SDE2: variants seen among roughly 807,000 people sequenced by gnomAD.
SDE2 encodes the protein spliceosome associated SDE2, also known as splicing regulator SDE2.
Under a neutral mutation model 46.9 loss-of-function variants are expected in SDE2, and 31 were observed. The observed-to-expected ratio is 0.66, with a 90% CI of 0.50 to 0.89. The LOEUF (loss-of-function observed/expected upper bound fraction) is 0.89, where lower values mean the gene tolerates loss of function less well. SDE2 is among the 40% of genes least tolerant of loss of function. The pLI, the probability that SDE2 is intolerant of heterozygous loss-of-function variation, is 0.00. For missense variants in SDE2, 542 were observed against 564.4 expected, an observed-to-expected ratio of 0.96 and a Z score of 0.40; for synonymous variants, 205 against 204.3, an observed-to-expected ratio of 1.00 and a Z score of -0.03.
At chr1:225,994,608 G>A (rs1231731415) in intron 2 of SDE2, among the ~76,000 whole-genome samples, 1 of 152,122 alleles carries the variant, frequency 6.6e-6, no homozygotes, top group African/African-American at 2.4e-5. Flanking sequence ...AAACAATTGT[G>A]TTTCCTAAGG....
chr1:225,995,310 C>T lies in SDE2; in HGVS notation c.194G>A (p.Gly65Glu), dbSNP rs762481684. ...LINTSDTVQH[G>E]AVYSLEPRLC... is the part of the protein sequence containing the mutation. The stretch of plus-strand genomic sequence containing the variant: ...TCTGGGTTCCAAACTATAAACAGCT[C>T]CATGCTGCACTGTGTCACTGGTGTT... Residue 65 changes from glycine (G) to glutamate (E), a missense_variant, in exon 2 of 7, where the codon GGA becomes GAA. Around this residue, in one of 3 missense-constraint regions of SDE2, gnomAD observed 135 missense variants for 106.5 expected, o/e 1.27. Coordinates refer to ENST00000272091, the MANE Select transcript of SDE2 (RefSeq NM_152608.4). 6.2e-7 allele frequency: 1 copy of T among 1,612,702 alleles called. No individual in the cohort carries two copies. The highest frequency in any genetic ancestry group is 8.5e-7 in the Non-Finnish European group (1 of 1,178,966).
chr1:225,992,844 A>T (rs1470662234), intron 3 of SDE2, 47 bp downstream of exon 3: 2 of 1,056,198 alleles, frequency 1.9e-6, no homozygotes, highest in Non-Finnish European at 1.5e-6. Context: ...ACTAATAGGA[A>T]AGTATATGTC....
At position 225,983,611 on chromosome 1, in the gene SDE2, C is replaced by T. The variant is rs994230259; in HGVS notation, c.*1691G>A. The T allele has an allele frequency of 2.6e-5, 4 of 152,066 alleles. No homozygotes were observed. Among genetic ancestry groups the T allele is most frequent in the African/African-American group, 9.7e-5 (4 of 41,384 alleles). 9.4% of individuals were successfully genotyped at this position (152,066 alleles called of 1,614,324 possible). A position where few individuals can be genotyped will look rare whatever the true frequency, so the allele number is the denominator to read the frequency against. On this transcript the variant is annotated 3_prime_UTR_variant, in exon 7 of 7. Coordinates refer to ENST00000272091, the MANE Select transcript of SDE2 (RefSeq NM_152608.4). ...TGCCCAGGCTGGTCTCGAAATGATC[C>T]TCCCACCTCAGCCTCTCAAATTACA...
At chr1:225,988,610 T>C (rs1656324089) in intron 5 of SDE2, among the ~76,000 whole-genome samples, 1 of 152,044 alleles carries the variant, frequency 6.6e-6, no homozygotes, top group Admixed American at 6.6e-5. Context: ...GCACCTATAG[T>C]CCCAGCTACT....
intron 4 of SDE2, among the ~76,000 whole-genome samples, 183 bp downstream of exon 4, chr1:225,992,215 T>C (rs1033857221): frequency 5.3e-5 from 8 of 152,156 alleles, no homozygotes; most frequent in African/African-American, 1.9e-4. Flanking sequence ...TGTATATGTG[T>C]TCTTTTTTAA....
chr1:225,995,170 T>C (rs1656493734), intron 2 of SDE2, 96 bp downstream of exon 2: 1 of 677,252 alleles, frequency 1.5e-6, no homozygotes, highest in African/African-American at 1.8e-5. Flanking sequence ...TTTAATACCA[T>C]GGCTAAAGAC....
intron 1 of SDE2, among the ~76,000 whole-genome samples, chr1:225,997,706 C>T (rs1656560340): frequency 1.3e-5 from 2 of 152,210 alleles, no homozygotes; most frequent in Admixed American, 1.3e-4. Flanking sequence ...GTTGGAATTA[C>T]AGGCGTGAGC....
intron 5 of SDE2, among the ~76,000 whole-genome samples, chr1:225,990,392 G>A (rs1315460311): frequency 6.6e-6 from 1 of 152,078 alleles, no homozygotes; most frequent in African/African-American, 2.4e-5. Context: ...GTGGGGAAAA[G>A]GGACTTAACT....
intron 2 of SDE2, among the ~76,000 whole-genome samples, chr1:225,994,864 C>T (rs567442102): frequency 3.9e-5 from 6 of 152,144 alleles, no homozygotes; most frequent in African/African-American, 1.2e-4. Context: ...GGCAACATGG[C>T]GAAACCCCAT....
intron 6 of SDE2, among the ~76,000 whole-genome samples, chr1:225,986,512 G>GT (rs1656274770): frequency 6.6e-6 from 1 of 152,050 alleles, no homozygotes; most frequent in Non-Finnish European, 1.5e-5. Context: ...TAAAAAAGCT[G>GT]TTTTGTTAGA....
Position 225,995,255 on chromosome 1 carries a change from T to C in SDE2, c.238+11A>G. ...TGTGTTACAACTAAGTAGTCAATGT[T>C]CAGGTCCTACCTCCTTTTCCACCGC... On this transcript the variant is annotated intron_variant, in intron 2 of 6. Transcript: ENST00000272091. 7.3e-7 allele frequency: 1 copy of C among 1,361,656 alleles called. No individual in the cohort carries two copies. Among genetic ancestry groups the C allele is most frequent in the Non-Finnish European group, 1.0e-6 (1 of 953,856 alleles). 84.3% of individuals were successfully genotyped at this position (1,361,656 alleles called of 1,614,324 possible).
chr1:225,993,008 C>T lies in SDE2; in HGVS notation c.239-6G>A, dbSNP rs1656437844. 9 of 1,532,170 alleles carry T rather than the reference C, an allele frequency of 5.9e-6. No homozygotes were observed. In the East Asian group the frequency reaches 2.0e-4, roughly 34 times the overall value. The allele number at this position is 1,532,170 out of a possible 1,614,324, so 94.9% of individuals were successfully genotyped here. On this transcript the variant is annotated splice_region_variant and splice_polypyrimidine_tract_variant and intron_variant, in intron 2 of 6. Transcript: ENST00000272091. ...TCGGAGCATAGATCCAAAACCTGAGCAGATGTATTTGGAGAAAGCAGGTTA... is the reference window on the plus strand; with the variant it reads ...TCGGAGCATAGATCCAAAACCTGAGTAGATGTATTTGGAGAAAGCAGGTTA...
rs1418262876 is a variant in SDE2 at position 225,983,340 on chromosome 1, A to C, written c.*1962T>G. On this transcript the variant is annotated 3_prime_UTR_variant, in exon 7 of 7. Coordinates refer to ENST00000272091, the MANE Select transcript of SDE2 (RefSeq NM_152608.4). ...ATAAAATGGTCAATACATTAGGAAG[A>C]CATAAGTTATTAGAGCTTCATACAA... The C allele has an allele frequency of 1.3e-5, 2 of 152,226 alleles. No homozygotes were observed. The highest frequency in any genetic ancestry group is 4.8e-5 in the African/African-American group (2 of 41,458). The allele number at this position is 152,226 out of a possible 1,614,324, so 9.4% of individuals were successfully genotyped here.
In SDE2 at chr1:225,990,844, C is replaced by A. The variant is rs531704561; in HGVS notation, c.641+399G>T. 5.9e-5 allele frequency among the ~76,000 whole-genome samples: 9 copies of A among 152,102 alleles called. No homozygotes were observed. In the South Asian group the frequency reaches 1.7e-3, roughly 28 times the overall value. ...CTGCTGTGCTTTTTACCCTCAAGTG[C>A]GAAAGTGGTGAAGAGAAGTCTGGCA... On this transcript the variant is annotated intron_variant, in intron 5 of 6. Coordinates refer to ENST00000272091, the MANE Select transcript of SDE2 (RefSeq NM_152608.4).
chr1:225,994,284 C>T (rs1241849434), intron 2 of SDE2, among the ~76,000 whole-genome samples: 1 of 152,128 alleles, frequency 6.6e-6, no homozygotes, highest in East Asian at 1.9e-4. Flanking sequence ...GCCATGTTGG[C>T]TAGCCTGGTC....
chr1:225,994,278 T>C (rs763363127), intron 2 of SDE2, among the ~76,000 whole-genome samples: 6 of 152,092 alleles, frequency 3.9e-5, no homozygotes, highest in Non-Finnish European at 7.4e-5. Context: ...GGTTTTGCCA[T>C]GTTGGCTAGC....
chr1:225,993,866 C>T (rs1019257431), intron 2 of SDE2, among the ~76,000 whole-genome samples: 75 of 151,638 alleles, frequency 4.9e-4, no homozygotes, highest in African/African-American at 1.7e-3. Context: ...AACTCCTGGG[C>T]TCAATGGATC....
chr1:225,996,552 T>A (rs1425088327), intron 1 of SDE2, among the ~76,000 whole-genome samples: 2 of 152,210 alleles, frequency 1.3e-5, no homozygotes, highest in Non-Finnish European at 2.9e-5. Flanking sequence ...AGACTCAATT[T>A]AACTGCTTTT....
At chr1:225,989,153 C>T (rs1042267916) in intron 5 of SDE2, among the ~76,000 whole-genome samples, 1 of 151,210 alleles carries the variant, frequency 6.6e-6, no homozygotes, top group East Asian at 1.9e-4. Context: ...AAAAATTAGC[C>T]AGGCCTGGTG....
Sources: gnomAD v4.1 joint callset for allele counts (sites outside exome capture counted in the v4.1 genomes callset) on GRCh38, gnomAD v4.1.1 for gene constraint, gnomAD v4.1.1 regional missense constraint, MANE v1.5 for transcripts, NCBI Gene and HGNC (gene_info 2026-07-23, HGNC 2026-07-21) for gene names.